Variants in WSCD2 observed in about 807,000 individuals in gnomAD.
WSCD2 encodes WSC domain sialate O sulfotransferase 2.
A neutral mutation model predicts 55.7 loss-of-function variants in WSCD2; 28 were observed. The observed-to-expected ratio is 0.50, with a 90% CI of 0.37 to 0.69. The LOEUF (loss-of-function observed/expected upper bound fraction) is 0.69. Ranked by LOEUF, WSCD2 falls within the 30% of genes least tolerant of loss-of-function variation. The pLI is 0.00. For missense variants in WSCD2, 616 were observed against 762.1 expected, an observed-to-expected ratio of 0.81 and a Z score of 2.26; for synonymous variants, 301 against 301.9, an observed-to-expected ratio of 1.00 and a Z score of 0.03.
At chr12:108,217,289 C>T (rs1886953306) in intron 4 of WSCD2, among the ~76,000 whole-genome samples, 1 of 152,186 alleles carries the variant, frequency 6.6e-6, no homozygotes, top group Admixed American at 6.5e-5. Flanking sequence ...TATGGAAATC[C>T]AGAATTCTTT....
chr12:108,158,523 C>T (rs1167665429), intron 1 of WSCD2, among the ~76,000 whole-genome samples: 1 of 152,140 alleles, frequency 6.6e-6, no homozygotes, highest in Non-Finnish European at 1.5e-5. Flanking sequence ...GTGGCCAAAA[C>T]AGCCCTAGAT....
Position 108,227,155 on chromosome 12 carries a change from C to A in WSCD2, c.970C>A (p.Gln324Lys). Reference protein sequence around the residue: ...TPSYFIVYQTQVQDNRCMDRR... With the variant: ...TPSYFIVYQTKVQDNRCMDRR... ...TAGTTACTTCATTGTGTACCAGACA[C>A]AAGTCCAAGGTGAGCTAGGCCCTTC... The change falls in exon 6 of 9, where the codon CAA (glutamine) becomes AAA (lysine). Residue 324 changes from glutamine to lysine, a missense_variant. Around this residue, in one of 3 missense-constraint regions of WSCD2, gnomAD observed 374 missense variants for 467.4 expected, o/e 0.80. Transcript: ENST00000547525. 2 of 1,613,270 alleles carry A rather than the reference C, an allele frequency of 1.2e-6. No homozygotes were observed. The highest frequency in any genetic ancestry group is 1.7e-6 in the Non-Finnish European group (2 of 1,179,582).
In WSCD2 at chr12:108,157,914, G is replaced by C. The variant is rs528018896; in HGVS notation, c.-552+27988G>C. Among the ~76,000 whole-genome samples the C allele has an allele frequency of 5.9e-5, 9 of 152,234 alleles. 1 individual carries two copies. In the South Asian group the frequency reaches 1.0e-3, roughly 18 times the overall value. ...GAAATGAGAAAGAGAGAAAAATTTA[G>C]GGAAATCAAATACAAATGAATTCCT... On this transcript the variant is annotated intron_variant, in intron 1 of 8. Transcript: ENST00000547525.
intron 1 of WSCD2, among the ~76,000 whole-genome samples, chr12:108,143,981 G>A (rs935021841): frequency 6.6e-6 from 1 of 152,126 alleles, no homozygotes; most frequent in African/African-American, 2.4e-5. Flanking sequence ...CCATCCACGG[G>A]GCACAGCTTC....
At chr12:108,201,891 TC>T (rs1884734434) in intron 2 of WSCD2, among the ~76,000 whole-genome samples, 1 of 152,186 alleles carries the variant, frequency 6.6e-6, no homozygotes, top group African/African-American at 2.4e-5. Context: ...GATGCTGGTT[TC>T]TCTACTGGAG....
intron 2 of WSCD2, among the ~76,000 whole-genome samples, chr12:108,205,547 G>A (rs1885261364): frequency 6.6e-6 from 1 of 151,786 alleles, no homozygotes; most frequent in African/African-American, 2.4e-5. Context: ...TAATTGGATG[G>A]TTATTTCACA....
At chr12:108,225,701 C>G (rs1244898959) in intron 5 of WSCD2, among the ~76,000 whole-genome samples, 1 of 152,154 alleles carries the variant, frequency 6.6e-6, no homozygotes, top group East Asian at 1.9e-4. Context: ...CCTCCCTAGC[C>G]AGGTTGTGAA....
At chr12:108,235,738 C>CA (rs1186251045) in intron 7 of WSCD2, among the ~76,000 whole-genome samples, 1 of 152,168 alleles carries the variant, frequency 6.6e-6, no homozygotes, top group Non-Finnish European at 1.5e-5. Flanking sequence ...CTGAGACAGG[C>CA]AGGGGGTAGT....
intron 1 of WSCD2, among the ~76,000 whole-genome samples, chr12:108,179,734 G>C (rs1881420849): frequency 6.6e-6 from 1 of 152,232 alleles, no homozygotes; most frequent in Admixed American, 6.5e-5. Flanking sequence ...GCCCTAGGTT[G>C]AAATTCCAGC....
At chr12:108,199,450 A>C (rs550122791) in intron 2 of WSCD2, among the ~76,000 whole-genome samples, 1 of 152,322 alleles carries the variant, frequency 6.6e-6, no homozygotes, top group Admixed American at 6.5e-5. Flanking sequence ...CTCTAGGTTC[A>C]CATGGCCATG....
intron 2 of WSCD2, among the ~76,000 whole-genome samples, chr12:108,202,757 C>A (rs41314119): frequency 1.3e-5 from 2 of 152,154 alleles, no homozygotes; most frequent in Non-Finnish European, 2.9e-5. Flanking sequence ...TTGGGTACTA[C>A]GCTTAATACC....
intron 1 of WSCD2, among the ~76,000 whole-genome samples, chr12:108,137,357 A>G (rs1337681925): frequency 6.6e-6 from 1 of 152,222 alleles, no homozygotes; most frequent in Non-Finnish European, 1.5e-5. Context: ...ATCAGAAAAG[A>G]GCCAGCATTC....
intron 1 of WSCD2, among the ~76,000 whole-genome samples, chr12:108,140,286 G>A (rs1016188201): frequency 7.2e-5 from 11 of 152,134 alleles, no homozygotes; most frequent in African/African-American, 2.2e-4. Flanking sequence ...CTAAAATGGC[G>A]CCTAGCATAT....
chr12:108,169,056 A>T lies in WSCD2; in HGVS notation c.-551-26226A>T, dbSNP rs78773237. ...AGTGGTGGCATTAGATTCTCATAGG[A>T]GCACAAACCCCACTGTGAACTGCGA... On this transcript the variant is annotated intron_variant, in intron 1 of 8. Transcript: ENST00000547525. Among the ~76,000 whole-genome samples, 1,281 of 152,244 alleles carry T rather than the reference A, an allele frequency of 8.4e-3. 22 individuals carry two copies. The highest frequency in any genetic ancestry group is 0.029 in the African/African-American group (1,211 of 41,518).
chr12:108,161,807 C>T (rs1334645799), intron 1 of WSCD2, among the ~76,000 whole-genome samples: 1 of 152,190 alleles, frequency 6.6e-6, no homozygotes, highest in Non-Finnish European at 1.5e-5. Flanking sequence ...CAGAATGGGT[C>T]AGAACCCAGA....
intron 4 of WSCD2, among the ~76,000 whole-genome samples, chr12:108,220,224 A>G (rs1353767391): frequency 6.6e-6 from 1 of 152,182 alleles, no homozygotes; most frequent in Non-Finnish European, 1.5e-5. Context: ...CTTCTTTATA[A>G]TGGAGAGAAT....
intron 1 of WSCD2, among the ~76,000 whole-genome samples, chr12:108,145,729 T>C (rs1877316477): frequency 6.6e-6 from 1 of 152,164 alleles, no homozygotes; most frequent in African/African-American, 2.4e-5. Flanking sequence ...GAAATGTCCA[T>C]TATGGTAGAA....
In WSCD2 at chr12:108,248,511, G is replaced by A. The variant is rs1890244104; in HGVS notation, c.*168G>A. 4 of 1,423,124 alleles carry A rather than the reference G, an allele frequency of 2.8e-6. No individual in the cohort carries two copies. The highest frequency in any genetic ancestry group is 2.7e-6 in the Non-Finnish European group (3 of 1,092,452). The allele number at this position is 1,423,124 out of a possible 1,614,324, so 88.2% of individuals were successfully genotyped here. The stretch of plus-strand genomic sequence containing the variant: ...TCCTGCATGACAGAGGAGGCTCAAG[G>A]GAAGAGATTGCCCAGGCACTACCAC... On this transcript the variant is annotated 3_prime_UTR_variant, in exon 9 of 9. Transcript: ENST00000547525. The surrounding 1 kb of genome is among the most constrained non-coding windows in gnomAD (Gnocchi z 4.3).
chr12:108,202,758 G>T (rs114273604), intron 2 of WSCD2, among the ~76,000 whole-genome samples: 1 of 152,160 alleles, frequency 6.6e-6, no homozygotes, highest in African/African-American at 2.4e-5. Flanking sequence ...TGGGTACTAC[G>T]CTTAATACCT....
Sources: allele counts gnomAD v4.1 joint callset (sites outside exome capture counted in the v4.1 genomes callset), GRCh38; gene constraint gnomAD v4.1.1; regional missense constraint gnomAD v4.1.1; non-coding constraint Gnocchi (gnomAD v3.1); transcripts MANE v1.5; gene names NCBI Gene and HGNC (gene_info 2026-07-23, HGNC 2026-07-21).